Variants in MYB observed in about 807,000 individuals in gnomAD.
MYB encodes the protein MYB proto-oncogene, transcription factor.
In MYB, 28 loss-of-function variants were observed where a neutral mutation model predicts 92.9. That is an observed-to-expected ratio of 0.30 (90% CI 0.22 to 0.41). The LOEUF (loss-of-function observed/expected upper bound fraction) is 0.41, where lower values mean the gene tolerates loss of function less well. Ranked by LOEUF, MYB falls within the 10% of genes least tolerant of loss-of-function variation. The pLI is 1.00. For synonymous variants in MYB, 295 were observed against 329.1 expected (o/e 0.90, Z 1.12); for missense variants, 679 against 929.3 (o/e 0.73, Z 3.50).
intron 1 of MYB, among the ~76,000 whole-genome samples, chr6:135,184,161 C>T (rs1242049027): frequency 1.3e-5 from 2 of 152,066 alleles, no homozygotes; most frequent in African/African-American, 2.4e-5. Flanking sequence ...TCCAGCCAAA[C>T]CTGAAAAGTT....
chr6:135,213,178 A>C (rs1000984647), intron 15 of MYB, among the ~76,000 whole-genome samples: 1 of 152,186 alleles, frequency 6.6e-6, no homozygotes, highest in Admixed American at 6.5e-5. Flanking sequence ...GTGTTTGTCT[A>C]TACTGGGAGA....
intron 15 of MYB, among the ~76,000 whole-genome samples, chr6:135,214,913 A>G (rs902205598): frequency 7.9e-5 from 12 of 152,236 alleles, no homozygotes; most frequent in African/African-American, 2.9e-4. Flanking sequence ...TTGTTTAGGA[A>G]AACATTAAAT....
Position 135,218,029 on chromosome 6 carries a change from T to C in MYB, c.*49T>C. The C allele has an allele frequency of 7.2e-7, 1 of 1,398,066 alleles. No individual in the cohort carries two copies. The highest frequency in any genetic ancestry group is 1.0e-6 in the Non-Finnish European group (1 of 983,650). The allele number at this position is 1,398,066 out of a possible 1,614,324, so 86.6% of individuals were successfully genotyped here. On this transcript the variant is annotated 3_prime_UTR_variant, in exon 16 of 16. Transcript: ENST00000341911. The stretch of plus-strand genomic sequence containing the variant: ...GTTTTCAGAACACTTCAAGTTGACT[T>C]GGGATATATCATTCCTCAACATGAA...
intron 15 of MYB, among the ~76,000 whole-genome samples, chr6:135,205,522 T>C (rs1335717726): frequency 6.6e-6 from 1 of 152,204 alleles, no homozygotes; most frequent in Admixed American, 6.5e-5. Context: ...AATGGAAATA[T>C]TGGTTATCTT....
At chr6:135,211,158 C>T (rs1265053871) in intron 15 of MYB, among the ~76,000 whole-genome samples, 1 of 149,482 alleles carries the variant, frequency 6.7e-6, no homozygotes, top group Non-Finnish European at 1.5e-5. Context: ...CGTCTGCACA[C>T]GACAGAGATC....
chr6:135,204,037 G>T, intron 15 of MYB: 1 of 331,660 alleles, frequency 3.0e-6, no homozygotes. Context: ...GCCACCTGCA[G>T]AGCCCTCTCC....
intron 1 of MYB, among the ~76,000 whole-genome samples, chr6:135,185,296 C>T (rs28482814): frequency 0.052 from 7,929 of 152,254 alleles, 705 homozygotes; most frequent in African/African-American, 0.18. Flanking sequence ...AAAGCTTGAT[C>T]ACTCAATGTT....
intron 14 of MYB, among the ~76,000 whole-genome samples, chr6:135,202,150 T>C (rs879544511): frequency 1.3e-5 from 2 of 152,220 alleles, no homozygotes; most frequent in Non-Finnish European, 2.9e-5. Flanking sequence ...CTATAGTAGA[T>C]GCCCAGTATT....
chr6:135,190,400 T>A lies in MYB; in HGVS notation c.527+53T>A. 1 of 1,372,644 alleles carries A rather than the reference T, an allele frequency of 7.3e-7. No homozygotes were observed. Among genetic ancestry groups the A allele is most frequent in the South Asian group, 1.2e-5 (1 of 82,344 alleles). The allele number at this position is 1,372,644 out of a possible 1,614,324, so 85.0% of individuals were successfully genotyped here. ...TCGGGAAGAATGAGGGAGTGGGTAT[T>A]GAACATTCTGCTTTAAATGTATGGT... On this transcript the variant is annotated intron_variant, in intron 5 of 15. Coordinates refer to ENST00000341911, the MANE Select transcript of MYB (RefSeq NM_001130173.2). This position sits in a 1 kb window ranked among gnomAD's most constrained non-coding sequence, Gnocchi z 4.5.
intron 15 of MYB, among the ~76,000 whole-genome samples, chr6:135,217,150 C>G (rs961754273): frequency 6.6e-6 from 1 of 152,194 alleles, no homozygotes; most frequent in Non-Finnish European, 1.5e-5. Flanking sequence ...CGGCAGATCA[C>G]TTGAGTCCAG....
chr6:135,186,047 G>A, intron 2 of MYB, 27 bp downstream of exon 2: 1 of 1,582,080 alleles, frequency 6.3e-7, no homozygotes, highest in Non-Finnish European at 8.7e-7. Context: ...TCAAGACGCA[G>A]AAAATAGATA....
rs56350464 is a variant in MYB at position 135,191,902 on chromosome 6, A to T, written c.528-422A>T. Among the ~76,000 whole-genome samples, 61 of 152,288 alleles carry T rather than the reference A, an allele frequency of 4.0e-4. No individual in the cohort carries two copies. In the East Asian group the frequency reaches 0.011, roughly 28 times the overall value. ...CTTCATCAGCAGCATCTTATCATCC[A>T]CCAGACTTCACCATGTCCCTCTCGT... On this transcript the variant is annotated intron_variant, in intron 5 of 15. Transcript: ENST00000341911.
At chr6:135,210,921 TTTTG>T (rs1313950584) in intron 15 of MYB, among the ~76,000 whole-genome samples, 1 of 151,996 alleles carries the variant, frequency 6.6e-6, no homozygotes, top group Non-Finnish European at 1.5e-5. Flanking sequence ...TTTTTCGGGT[TTTTG>T]TTTGTTTTTT....
rs9389276 is a variant in MYB at position 135,188,100 on chromosome 6, G to A, written c.213+195G>A. ...TATTAGAATTTAGATTATTAGAATC[G>A]ATTATTATAATTTAGATTATCAAAT... On this transcript the variant is annotated intron_variant, in intron 3 of 15. Transcript: ENST00000341911. Among the ~76,000 whole-genome samples, 241 of 152,050 alleles carry A rather than the reference G, an allele frequency of 1.6e-3. 9 individuals carry two copies. The East Asian group carries it at 0.041, about 26-fold the overall frequency.
rs548468213 is a variant in MYB at position 135,197,187 on chromosome 6, T to C, written c.1430T>C (p.Leu477Pro). 4.2e-5 allele frequency: 68 copies of C among 1,613,968 alleles called. No individual in the cohort carries two copies. The African/African-American group carries it at 5.5e-4, about 13-fold the overall frequency. ...CCTGCAAGGCACAGCACAATTCCAC[T>C]GGTCATCCTTCGAAAAAAACGGGGC... ...LPPARHSTIPLVILRKKRGQA... is the reference protein window; with the variant it reads ...LPPARHSTIPPVILRKKRGQA... The change falls in exon 10 of 16, where the codon CTG (leucine) becomes CCG (proline). Residue 477 changes from leucine to proline, a missense_variant. Physicochemically the swap from Leu to Pro is moderately conservative, Grantham distance 98. This residue lies in a region of MYB where 402 missense variants were observed against 434.2 expected (regional missense o/e 0.93). Transcript: ENST00000341911.
chr6:135,195,188 C>T (rs1777137575), intron 8 of MYB: 1 of 892,874 alleles, frequency 1.1e-6, no homozygotes, highest in Admixed American at 3.5e-5. Flanking sequence ...TGCAATTTCT[C>T]CTGTTGTGTG....
In MYB at chr6:135,197,237, G is replaced by C. The variant is rs924534808; in HGVS notation, c.1480G>C (p.Asp494His). 8.1e-6 allele frequency: 13 copies of C among 1,614,000 alleles called. No homozygotes were observed. The highest frequency in any genetic ancestry group is 1.0e-5 in the Non-Finnish European group (12 of 1,179,902). The stretch of plus-strand genomic sequence containing the variant: ...CCAGGCCAGCCCCTTAGCCACTGGA[G>C]ACTGTAGCTCCTTCATATTTGCTGA... ...RGQASPLATG[D>H]CSSFIFADVS... Residue 494 changes from aspartate (D) to histidine (H), a missense_variant, in exon 10 of 16, where the codon GAC becomes CAC. By Grantham distance (81) the Asp-to-His change is moderately conservative. Transcript: ENST00000341911.
chr6:135,199,688 T>C (rs1369162724), intron 11 of MYB: 12 of 383,684 alleles, frequency 3.1e-5, no homozygotes, highest in Non-Finnish European at 4.5e-5. Context: ...TATTTCGAAG[T>C]ACAAAAAGTA....
chr6:135,205,375 A>G (rs1284249866), intron 15 of MYB, among the ~76,000 whole-genome samples: 1 of 152,114 alleles, frequency 6.6e-6, no homozygotes, highest in Non-Finnish European at 1.5e-5. Flanking sequence ...GCCAACTTGT[A>G]TTTGTAGTAG....
Sources: gnomAD v4.1 joint callset for allele counts (sites outside exome capture counted in the v4.1 genomes callset) on GRCh38, gnomAD v4.1.1 for gene constraint, gnomAD v4.1.1 regional missense constraint, Gnocchi (gnomAD v3.1) non-coding constraint, MANE v1.5 for transcripts, NCBI Gene and HGNC (gene_info 2026-07-23, HGNC 2026-07-21) for gene names.